L3MBTL3: variants seen among roughly 807,000 people sequenced by gnomAD.
L3MBTL3 encodes lethal(3)malignant brain tumor-like protein 3.
Under a neutral mutation model 102.3 loss-of-function variants are expected in L3MBTL3, and 27 were observed. The ratio of observed to expected loss-of-function variants is 0.26; its 90% CI spans 0.19 to 0.36. The LOEUF is 0.36. L3MBTL3 is among the 10% of genes least tolerant of loss of function. L3MBTL3 has a pLI of 1.00. For missense variants in L3MBTL3, 798 were observed against 955.3 expected, an observed-to-expected ratio of 0.84 and a Z score of 2.17; for synonymous variants, 340 against 320.9, an observed-to-expected ratio of 1.06 and a Z score of -0.64.
At chr6:130,081,532 C>T (rs939152435) in intron 14 of L3MBTL3, among the ~76,000 whole-genome samples, 11 of 151,630 alleles carry the variant, frequency 7.3e-5, no homozygotes, top group African/African-American at 2.7e-4. Flanking sequence ...GATTCTCCTA[C>T]CTAAGCCTCC....
chr6:130,053,000 C>T lies in L3MBTL3; in HGVS notation c.582+9C>T, dbSNP rs1337359334. ...AGAGAGATGATGAAATGGTGAGTGC[C>T]TCTGCCTGACACCAGGAGCACAGGG... On this transcript the variant is annotated intron_variant, in intron 7 of 22. Transcript: ENST00000361794. The T allele has an allele frequency of 1.9e-6, 3 of 1,600,718 alleles. No individual in the cohort carries two copies. Among genetic ancestry groups the T allele is most frequent in the Non-Finnish European group, 2.6e-6 (3 of 1,167,902 alleles).
intron 19 of L3MBTL3, among the ~76,000 whole-genome samples, chr6:130,112,236 C>T (rs1785396780): frequency 6.6e-6 from 1 of 152,170 alleles, no homozygotes; most frequent in Admixed American, 6.6e-5. Context: ...AAGGCAGGGG[C>T]CATGTCTTTT....
At chr6:130,087,209 T>G (rs1436226150) in intron 16 of L3MBTL3, among the ~76,000 whole-genome samples, 2 of 152,120 alleles carry the variant, frequency 1.3e-5, no homozygotes, top group Non-Finnish European at 2.9e-5. Flanking sequence ...ACCACAAATG[T>G]GGTATTTCTA....
chr6:130,069,316 GAAAT>G (rs1164385685), intron 12 of L3MBTL3, among the ~76,000 whole-genome samples: 1 of 152,062 alleles, frequency 6.6e-6, no homozygotes, highest in Non-Finnish European at 1.5e-5. Flanking sequence ...CCTTCAAATG[GAAAT>G]AAATAAATAT....
At chr6:130,127,026 C>G (rs1473701130) in intron 20 of L3MBTL3, among the ~76,000 whole-genome samples, 4 of 152,094 alleles carry the variant, frequency 2.6e-5, no homozygotes, top group Non-Finnish European at 5.9e-5. Flanking sequence ...GACAAAATTT[C>G]TCTGAGTTCT....
At chr6:130,093,138 GTGAGACT>G (rs1784161206) in intron 17 of L3MBTL3, among the ~76,000 whole-genome samples, 1 of 152,124 alleles carries the variant, frequency 6.6e-6, no homozygotes, top group Admixed American at 6.5e-5. Flanking sequence ...AAGACAATTT[GTGAGACT>G]TTCAAAATTT....
intron 22 of L3MBTL3, chr6:130,138,372 T>C (rs1395017285): frequency 1.3e-5 from 2 of 152,274 alleles, no homozygotes; most frequent in East Asian, 1.9e-4. Context: ...CCGAGGGCTG[T>C]GAGGAAAGAA....
intron 19 of L3MBTL3, among the ~76,000 whole-genome samples, chr6:130,110,222 C>A (rs996995463): frequency 2.0e-5 from 3 of 152,136 alleles, no homozygotes; most frequent in African/African-American, 7.2e-5. Context: ...TAGTTTATTT[C>A]TAATTCTGTG....
chr6:130,102,428 C>T (rs1481103354), intron 18 of L3MBTL3, among the ~76,000 whole-genome samples: 2 of 152,188 alleles, frequency 1.3e-5, no homozygotes, highest in African/African-American at 2.4e-5. Context: ...TTGAAATCTT[C>T]TCTGTCTTTA....
intron 15 of L3MBTL3, among the ~76,000 whole-genome samples, chr6:130,085,242 T>G (rs1783606931): frequency 6.6e-6 from 1 of 152,080 alleles, no homozygotes; most frequent in Non-Finnish European, 1.5e-5. Context: ...TGTCTGTGAG[T>G]TTTTCAGAGG....
intron 19 of L3MBTL3, among the ~76,000 whole-genome samples, chr6:130,111,787 C>T (rs1785363316): frequency 6.6e-6 from 1 of 152,190 alleles, no homozygotes. Flanking sequence ...TAGCCCACCA[C>T]ATTCTGCCAG....
At chr6:130,073,857 T>C (rs187877631) in intron 13 of L3MBTL3, among the ~76,000 whole-genome samples, 3 of 152,292 alleles carry the variant, frequency 2.0e-5, no homozygotes, top group African/African-American at 7.2e-5. Context: ...CTAATTATTT[T>C]TAGGATGGAA....
chr6:130,068,722 A>T (rs1382341735), intron 12 of L3MBTL3, among the ~76,000 whole-genome samples: 1 of 152,208 alleles, frequency 6.6e-6, no homozygotes, highest in Non-Finnish European at 1.5e-5. Flanking sequence ...TATTGTTATT[A>T]TCACTTATAT....
At chr6:130,125,686 C>T (rs1276653025) in intron 20 of L3MBTL3, among the ~76,000 whole-genome samples, 3 of 152,200 alleles carry the variant, frequency 2.0e-5, no homozygotes, top group Non-Finnish European at 4.4e-5. Context: ...TTCTCATTTC[C>T]ATTCCTCCAG....
intron 2 of L3MBTL3, among the ~76,000 whole-genome samples, chr6:130,022,632 A>G (rs1259536780): frequency 6.6e-6 from 1 of 152,222 alleles, no homozygotes; most frequent in Non-Finnish European, 1.5e-5. Flanking sequence ...AATGATTGTA[A>G]ATTAATATAA....
chr6:130,091,238 G>A (rs1162033371), intron 16 of L3MBTL3, among the ~76,000 whole-genome samples: 1 of 152,146 alleles, frequency 6.6e-6, no homozygotes, highest in African/African-American at 2.4e-5. Context: ...CTTCTCGAAT[G>A]TTTATTGTTC....
intron 10 of L3MBTL3, among the ~76,000 whole-genome samples, chr6:130,063,620 A>T (rs999906488): frequency 1.3e-5 from 2 of 152,164 alleles, no homozygotes; most frequent in Non-Finnish European, 2.9e-5. Flanking sequence ...AAGACACCTC[A>T]TTTAATGTAT....
At position 130,055,239 on chromosome 6, in the gene L3MBTL3, G is replaced by A. The variant is rs1235743643; in HGVS notation, c.651G>A (p.Ser217=). 3.7e-6 allele frequency: 6 copies of A among 1,613,244 alleles called. No homozygotes were observed. Among genetic ancestry groups the A allele is most frequent in the Non-Finnish European group, 4.2e-6 (5 of 1,179,454 alleles). The change falls in exon 8 of 23, where the codon TCG becomes TCA. Residue 217 remains serine, a synonymous_variant. Coordinates refer to ENST00000361794, the MANE Select transcript of L3MBTL3 (RefSeq NM_032438.4). ...QRARRKRRGD[S]AVLKQGLPPK... The stretch of plus-strand genomic sequence containing the variant: ...CACGGAGGAAAAGACGAGGGGATTC[G>A]GCTGTACTAAAGCAGGGTGAGCTGA...
intron 19 of L3MBTL3, among the ~76,000 whole-genome samples, chr6:130,108,355 C>T (rs1040414770): frequency 1.3e-5 from 2 of 151,034 alleles, no homozygotes; most frequent in South Asian, 4.2e-4. Flanking sequence ...CTGCCTCAGC[C>T]TCCCGAGTAG....
Sources: allele counts gnomAD v4.1 joint callset (sites outside exome capture counted in the v4.1 genomes callset), GRCh38; gene constraint gnomAD v4.1.1; transcripts MANE v1.5; gene names NCBI Gene and HGNC (gene_info 2026-07-23, HGNC 2026-07-21).